BNC2: variants seen among roughly 807,000 people sequenced by gnomAD.
BNC2 encodes the protein zinc finger protein basonuclin-2.
A neutral mutation model predicts 76.3 loss-of-function variants in BNC2; 20 were observed. The ratio of observed to expected loss-of-function variants is 0.26; its 90% confidence interval spans 0.18 to 0.38. BNC2 has a LOEUF of 0.38. Ranked by LOEUF, BNC2 falls within the 10% of genes least tolerant of loss-of-function variation. BNC2 has a pLI of 1.00. For synonymous variants in BNC2, 582 were observed against 514.8 expected (o/e 1.13, Z -1.77); for missense variants, 1,382 against 1,399.8 (o/e 0.99, Z 0.20).
At chr9:16,541,250 G>A (rs1255871321) in intron 5 of BNC2, among the ~76,000 whole-genome samples, 2 of 152,168 alleles carry the variant, frequency 1.3e-5, no homozygotes, top group Admixed American at 6.5e-5. Context: ...ATATTTTAAA[G>A]CAATAAAGCA....
chr9:16,799,237 G>C (rs1209340418), intron 1 of BNC2, among the ~76,000 whole-genome samples: 2 of 151,936 alleles, frequency 1.3e-5, no homozygotes, highest in Admixed American at 1.3e-4. Context: ...TGATAATATT[G>C]ACCTATTTCC....
intron 3 of BNC2, among the ~76,000 whole-genome samples, chr9:16,648,101 A>G (rs1821687129): frequency 6.6e-6 from 1 of 152,164 alleles, no homozygotes; most frequent in East Asian, 1.9e-4. Flanking sequence ...TTAAAAAAAG[A>G]CATATGAAGT....
At chr9:16,553,935 C>A (rs2891072) in intron 4 of BNC2, among the ~76,000 whole-genome samples, 19,342 of 152,132 alleles carry the variant, frequency 0.13, 1,719 homozygotes, top group South Asian at 0.27. Flanking sequence ...ACACAAAAGG[C>A]ATTCAAAACT....
chr9:16,843,724 C>T (rs1348754585), intron 1 of BNC2, among the ~76,000 whole-genome samples: 2 of 152,126 alleles, frequency 1.3e-5, no homozygotes, highest in Non-Finnish European at 2.9e-5. Flanking sequence ...TTTAGGTTTA[C>T]CATGTAAGAC....
At chr9:16,497,743 G>T (rs568541430) in intron 5 of BNC2, among the ~76,000 whole-genome samples, 3 of 152,090 alleles carry the variant, frequency 2.0e-5, no homozygotes, top group African/African-American at 7.2e-5. Flanking sequence ...AAGTAAAAAG[G>T]TTGGGCTAAA....
intron 5 of BNC2, among the ~76,000 whole-genome samples, chr9:16,473,851 C>A (rs988646199): frequency 1.2e-4 from 18 of 151,894 alleles, no homozygotes; most frequent in African/African-American, 1.5e-4. Context: ...CCAGCCTGGG[C>A]AACACAGCGA....
At chr9:16,785,596 C>T (rs1826268091) in intron 1 of BNC2, among the ~76,000 whole-genome samples, 1 of 145,754 alleles carries the variant, frequency 6.9e-6, no homozygotes, top group Non-Finnish European at 1.5e-5. Flanking sequence ...TGAGGTTTCA[C>T]CATGTTGGCC....
intron 1 of BNC2, among the ~76,000 whole-genome samples, chr9:16,769,677 T>C (rs1038824606): frequency 6.6e-6 from 1 of 152,168 alleles, no homozygotes; most frequent in Non-Finnish European, 1.5e-5. Flanking sequence ...ATCTACAAAA[T>C]GAGGTAAGTA....
At chr9:16,689,242 G>A (rs1823077427) in intron 3 of BNC2, among the ~76,000 whole-genome samples, 1 of 151,984 alleles carries the variant, frequency 6.6e-6, no homozygotes, top group African/African-American at 2.4e-5. Flanking sequence ...GTTGTAAATG[G>A]GAGCTACCGT....
At chr9:16,614,957 TTAAAAAAAAAAAAAAAAAAAAAAA>T (rs1194578943) in intron 3 of BNC2, among the ~76,000 whole-genome samples, 4 of 60,718 alleles carry the variant, frequency 6.6e-5, no homozygotes, top group African/African-American at 7.4e-5. Flanking sequence ...CTCTGTCTCT[TTAAAAAAAAAAAAAAAAAAAAAAA>T]AAAAAAAAAA....
Position 16,713,899 on chromosome 9 carries a change from A to T in BNC2, c.330+13898T>A, listed in dbSNP as rs1048054618. Among the ~76,000 whole-genome samples, 2 of 152,042 alleles carry T rather than the reference A, an allele frequency of 1.3e-5. 1 individual carries two copies. Among genetic ancestry groups the T allele is most frequent in the East Asian group, 3.9e-4 (2 of 5,174 alleles). ...AGCCCAGCCTGGGCAATATGGCAAAACCCTATCTCTACAAAAAATACAAAA... is the reference window on the plus strand; with the variant it reads ...AGCCCAGCCTGGGCAATATGGCAAATCCCTATCTCTACAAAAAATACAAAA... On this transcript the variant is annotated intron_variant, in intron 3 of 6. Transcript: ENST00000380672.
intron 3 of BNC2, among the ~76,000 whole-genome samples, chr9:16,681,200 T>C (rs1027572749): frequency 2.0e-5 from 3 of 152,172 alleles, no homozygotes; most frequent in African/African-American, 7.2e-5. Flanking sequence ...AAATTTTCCA[T>C]GGACCGAAAC....
At chr9:16,562,493 T>A (rs1477910825) in intron 4 of BNC2, among the ~76,000 whole-genome samples, 1 of 152,228 alleles carries the variant, frequency 6.6e-6, no homozygotes, top group African/African-American at 2.4e-5. Flanking sequence ...ACTATGTTTA[T>A]CATTTAGTAA....
chr9:16,863,828 AC>A, intron 1 of BNC2, among the ~76,000 whole-genome samples: 1 of 152,154 alleles, frequency 6.6e-6, no homozygotes, highest in East Asian at 1.9e-4. Context: ...TTATTGGAGA[AC>A]CCCAAAAGAG....
intron 4 of BNC2, among the ~76,000 whole-genome samples, chr9:16,576,467 G>A (rs931152138): frequency 3.9e-5 from 6 of 152,174 alleles, no homozygotes; most frequent in African/African-American, 1.4e-4. Context: ...AGTTATGCTA[G>A]GTTTTGGACT....
At chr9:16,849,502 G>T (rs1389753644) in intron 1 of BNC2, among the ~76,000 whole-genome samples, 1 of 151,792 alleles carries the variant, frequency 6.6e-6, no homozygotes, top group Non-Finnish European at 1.5e-5. Context: ...GAGATTACAG[G>T]CGCATGCCAC....
intron 3 of BNC2, among the ~76,000 whole-genome samples, chr9:16,687,020 A>T (rs1238043712): frequency 6.6e-6 from 1 of 151,790 alleles, no homozygotes; most frequent in Non-Finnish European, 1.5e-5. Flanking sequence ...GTGTAGATTA[A>T]CCCTCATTTT....
chr9:16,870,246 C>G (rs1819646149), intron 1 of BNC2, among the ~76,000 whole-genome samples: 1 of 152,152 alleles, frequency 6.6e-6, no homozygotes, highest in East Asian at 1.9e-4. Flanking sequence ...CTCTCTTCCC[C>G]GAGCTCCTGC....
chr9:16,564,400 A>G (rs1223761760), intron 4 of BNC2, among the ~76,000 whole-genome samples: 3 of 152,216 alleles, frequency 2.0e-5, no homozygotes, highest in Non-Finnish European at 2.9e-5. Flanking sequence ...TGCTTGTAGT[A>G]AAGATGAGGC....
Sources: gnomAD v4.1 joint callset for allele counts (sites outside exome capture counted in the v4.1 genomes callset) on GRCh38, gnomAD v4.1.1 for gene constraint, MANE v1.5 for transcripts, NCBI Gene and HGNC (gene_info 2026-07-23, HGNC 2026-07-21) for gene names.